The following TNFRSF10B variants were observed in gnomAD, a reference collection of about 807,000 sequenced individuals.
The protein encoded by TNFRSF10B is tumor necrosis factor receptor superfamily member 10B.
Under a neutral mutation model 41.4 loss-of-function variants are expected in TNFRSF10B, and 35 were observed. That is an observed-to-expected ratio of 0.85 (90% CI 0.65 to 1.12). The LOEUF (loss-of-function observed/expected upper bound fraction) is 1.12. Ranked by LOEUF, TNFRSF10B falls within the 50% of genes most tolerant of loss-of-function variation. The pLI is 0.00. For missense variants in TNFRSF10B, 584 were observed against 552.7 expected, an observed-to-expected ratio of 1.06 and a Z score of -0.57; for synonymous variants, 230 against 215.5, an observed-to-expected ratio of 1.07 and a Z score of -0.59.
Position 23,022,582 on chromosome 8 carries a change from G to T in TNFRSF10B, c.*89C>A. 7.2e-7 allele frequency: 1 copy of T among 1,395,192 alleles called. No homozygotes were observed. Among genetic ancestry groups the T allele is most frequent in the Non-Finnish European group, 1.0e-6 (1 of 992,636 alleles). The allele number at this position is 1,395,192 out of a possible 1,614,324, so 86.4% of individuals were successfully genotyped here. ...CCAGTACCGGTCATGTGACAATTGT[G>T]GCACTTTCCTACTGACTGGAGTCCA... On this transcript the variant is annotated 3_prime_UTR_variant, in exon 9 of 9. Transcript: ENST00000276431.
chr8:23,049,817 C>A (rs4279595), intron 1 of TNFRSF10B: 33,777 of 151,880 alleles, frequency 0.22, 4,028 homozygotes, highest in Non-Finnish European at 0.25. Flanking sequence ...CCTGCATCTT[C>A]TTATTGGGCA....
intron 2 of TNFRSF10B, among the ~76,000 whole-genome samples, chr8:23,031,387 T>TTATG: frequency 6.6e-6 from 1 of 150,424 alleles, no homozygotes; most frequent in Non-Finnish European, 1.5e-5. Flanking sequence ...ATTTATTTAT[T>TTATG]TATTTATTTA....
chr8:23,062,487 G>C (rs1812860486), intron 1 of TNFRSF10B, among the ~76,000 whole-genome samples: 1 of 152,078 alleles, frequency 6.6e-6, no homozygotes, highest in African/African-American at 2.4e-5. Context: ...CAAAGTGCTG[G>C]GATTATAGGC....
chr8:23,048,262 CCT>C (rs1439804906), intron 1 of TNFRSF10B, among the ~76,000 whole-genome samples: 1 of 151,644 alleles, frequency 6.6e-6, no homozygotes, highest in Admixed American at 6.6e-5. Flanking sequence ...ATGGTGAAAC[CCT>C]GTTTCTATTA....
intron 1 of TNFRSF10B, among the ~76,000 whole-genome samples, chr8:23,045,919 G>A (rs1242587249): frequency 4.0e-5 from 6 of 150,590 alleles, no homozygotes; most frequent in African/African-American, 1.5e-4. Flanking sequence ...ATCAAATTAG[G>A]TGTAAAGGGA....
intron 8 of TNFRSF10B, 146 bp from the exon 9 acceptor site, chr8:23,023,130 C>A: frequency 9.4e-7 from 1 of 1,061,404 alleles, no homozygotes; most frequent in Non-Finnish European, 1.4e-6. Flanking sequence ...ACCCGCTTCC[C>A]ATCCACAGAG....
intron 2 of TNFRSF10B, among the ~76,000 whole-genome samples, chr8:23,033,281 C>T (rs572646738): frequency 3.7e-4 from 56 of 152,062 alleles, no homozygotes; most frequent in Admixed American, 2.1e-3. Context: ...CAAAGGCATA[C>T]GAAGAGATAA....
intron 7 of TNFRSF10B, 100 bp from the exon 8 acceptor site, chr8:23,024,360 CT>C (rs1188608918): frequency 7.7e-7 from 1 of 1,295,982 alleles, no homozygotes; most frequent in Non-Finnish European, 1.1e-6. Context: ...CAGCACGTCA[CT>C]TCCAGAACAT....
chr8:23,042,484 G>A (rs1012246744), intron 2 of TNFRSF10B, among the ~76,000 whole-genome samples: 7 of 152,146 alleles, frequency 4.6e-5, no homozygotes, highest in Non-Finnish European at 7.4e-5. Context: ...CTGCATCTCT[G>A]GGGGCTCAAA....
intron 1 of TNFRSF10B, among the ~76,000 whole-genome samples, chr8:23,058,738 C>T (rs1254064761): frequency 6.6e-6 from 1 of 152,094 alleles, no homozygotes; most frequent in Non-Finnish European, 1.5e-5. Flanking sequence ...GCTCGCTTCA[C>T]CCTCCCAAAG....
intron 4 of TNFRSF10B, among the ~76,000 whole-genome samples, 200 bp from the exon 5 acceptor site, chr8:23,028,802 G>C (rs543894177): frequency 6.6e-6 from 1 of 152,166 alleles, no homozygotes; most frequent in African/African-American, 2.4e-5. Flanking sequence ...TCAGCCCCTC[G>C]GCCTCCCTGC....
At chr8:23,027,451 C>A in intron 6 of TNFRSF10B, 163 bp from the exon 7 acceptor site, 1 of 898,216 alleles carries the variant, frequency 1.1e-6, no homozygotes, top group Non-Finnish European at 1.7e-6. Context: ...GCTGCTGGGG[C>A]CAGGCCCCCA....
chr8:23,054,898 C>T lies in TNFRSF10B; in HGVS notation c.145-11655G>A, dbSNP rs918873804. Among the ~76,000 whole-genome samples the T allele has an allele frequency of 1.6e-4, 25 of 152,206 alleles. No individual in the cohort carries two copies. The East Asian group carries it at 2.5e-3, about 15-fold the overall frequency. The stretch of plus-strand genomic sequence containing the variant: ...GTAAAAAATAATTATTCTTGCTGCA[C>T]GGTATATAAGTAATTAGGCCAAGTA... On this transcript the variant is annotated intron_variant, in intron 1 of 8. Coordinates refer to ENST00000276431, the MANE Select transcript of TNFRSF10B (RefSeq NM_003842.5).
At chr8:23,061,824 G>T (rs1224469018) in intron 1 of TNFRSF10B, among the ~76,000 whole-genome samples, 1 of 152,236 alleles carries the variant, frequency 6.6e-6, no homozygotes, top group South Asian at 2.1e-4. Context: ...TTCTATTAAT[G>T]CAATGTATTA....
chr8:23,032,179 T>G (rs1250220556), intron 2 of TNFRSF10B, among the ~76,000 whole-genome samples: 2 of 152,164 alleles, frequency 1.3e-5, no homozygotes, highest in Non-Finnish European at 1.5e-5. Context: ...TGATTGGCAA[T>G]CACATGGGCC....
In TNFRSF10B at chr8:23,043,141, G is replaced by C. The variant is rs747916816; in HGVS notation, c.247C>G (p.Pro83Ala). 6.2e-7 allele frequency: 1 copy of C among 1,613,958 alleles called. No individual in the cohort carries two copies. Among genetic ancestry groups the C allele is most frequent in the Non-Finnish European group, 8.5e-7 (1 of 1,179,842 alleles). Residue 83 changes from proline (P) to alanine (A), a missense_variant, in exon 2 of 9, where the codon CCT becomes GCT. Transcript: ENST00000276431. ...TAGAGACCCATCTTGAACATACCAGGTGGACACAATCCCTCTGAGGGGCTG... is the reference window on the plus strand; with the variant it reads ...TAGAGACCCATCTTGAACATACCAGCTGGACACAATCCCTCTGAGGGGCTG... ...RSSPSEGLCP[P>A]GHHISEDGRD...
At chr8:23,060,240 C>T (rs969205924) in intron 1 of TNFRSF10B, among the ~76,000 whole-genome samples, 3 of 152,112 alleles carry the variant, frequency 2.0e-5, no homozygotes, top group African/African-American at 7.2e-5. Context: ...AATTTTTATC[C>T]TATATTTTCT....
At position 23,027,465 on chromosome 8, in the gene TNFRSF10B, C is replaced by T. The variant is rs1049695724; in HGVS notation, c.781-177G>A. 6 of 856,900 alleles carry T rather than the reference C, an allele frequency of 7.0e-6. No individual in the cohort carries two copies. The Admixed American group carries it at 8.6e-5, about 12-fold the overall frequency. The allele number at this position is 856,900 out of a possible 1,614,324, so 53.1% of individuals were successfully genotyped here. A position where few individuals can be genotyped will look rare whatever the true frequency, so the allele number is the denominator to read the frequency against. ...CGCTGCTGGGGCCAGGCCCCCAGTG[C>T]TGTGCTCAGGCAGACACCCCATCCC... On this transcript the variant is annotated intron_variant, in intron 6 of 8. Coordinates refer to ENST00000276431, the MANE Select transcript of TNFRSF10B (RefSeq NM_003842.5).
In TNFRSF10B at chr8:23,021,443, T is replaced by C. The variant is rs1811517574; in HGVS notation, c.*1228A>G. 1 of 454,054 alleles carries C rather than the reference T, an allele frequency of 2.2e-6. No homozygotes were observed. The highest frequency in any genetic ancestry group is 2.0e-5 in the African/African-American group (1 of 50,022). The allele number at this position is 454,054 out of a possible 1,614,324, so 28.1% of individuals were successfully genotyped here. On this transcript the variant is annotated 3_prime_UTR_variant, in exon 9 of 9. Coordinates refer to ENST00000276431, the MANE Select transcript of TNFRSF10B (RefSeq NM_003842.5). Reference sequence around the variant, plus strand: ...CACACCATTCTCAAGCACCATCTACTCTTCCCCCTTGATGCCATGGCAGAC... The same window carrying C: ...CACACCATTCTCAAGCACCATCTACCCTTCCCCCTTGATGCCATGGCAGAC...
Sources: allele counts gnomAD v4.1 joint callset (sites outside exome capture counted in the v4.1 genomes callset), GRCh38; gene constraint gnomAD v4.1.1; transcripts MANE v1.5; gene names NCBI Gene and HGNC (gene_info 2026-07-23, HGNC 2026-07-21).